Variants in DYM observed in about 807,000 individuals in gnomAD.
DYM encodes the protein dyggve-Melchior-Clausen syndrome protein.
Under a neutral mutation model 93.1 loss-of-function variants are expected in DYM, and 78 were observed. That is an observed-to-expected ratio of 0.84 (90% CI 0.70 to 1.01). The LOEUF is 1.01. Ranked by LOEUF, DYM falls within the 50% of genes least tolerant of loss-of-function variation. The pLI, the probability that DYM is intolerant of heterozygous loss-of-function variation, is 0.00. For missense variants in DYM, 789 were observed against 845.0 expected, an observed-to-expected ratio of 0.93 and a Z score of 0.82; for synonymous variants, 321 against 319.7, an observed-to-expected ratio of 1.00 and a Z score of -0.04.
At chr18:49,436,788 T>C (rs906209963) in intron 1 of DYM, among the ~76,000 whole-genome samples, 4 of 152,184 alleles carry the variant, frequency 2.6e-5, no homozygotes, top group African/African-American at 9.7e-5. Context: ...ATTTTCCTTC[T>C]CTGTGCTTCA....
At chr18:49,337,251 G>A (rs528072842) in intron 6 of DYM, among the ~76,000 whole-genome samples, 3 of 152,290 alleles carry the variant, frequency 2.0e-5, no homozygotes, top group African/African-American at 7.2e-5. Flanking sequence ...GAAGGATCCA[G>A]AATGTTGTTG....
At chr18:49,441,734 C>A (rs970219665) in intron 1 of DYM, among the ~76,000 whole-genome samples, 2 of 151,918 alleles carry the variant, frequency 1.3e-5, no homozygotes, top group Non-Finnish European at 2.9e-5. Flanking sequence ...AAGGGGGACA[C>A]CAACAAGAAG....
At chr18:49,434,852 A>G (rs2148506835) in intron 1 of DYM, among the ~76,000 whole-genome samples, 1 of 152,092 alleles carries the variant, frequency 6.6e-6, no homozygotes, top group South Asian at 2.1e-4. Flanking sequence ...GATTTCAACA[A>G]CAACAACAAA....
At chr18:49,106,060 T>A (rs1390648607) in intron 16 of DYM, among the ~76,000 whole-genome samples, 3 of 152,214 alleles carry the variant, frequency 2.0e-5, no homozygotes, top group Non-Finnish European at 2.9e-5. Flanking sequence ...TTTGTAGGTC[T>A]CTAAGGACTT....
chr18:49,235,389 C>T (rs1307411695), intron 13 of DYM, among the ~76,000 whole-genome samples: 2 of 152,048 alleles, frequency 1.3e-5, no homozygotes, highest in Non-Finnish European at 2.9e-5. Flanking sequence ...CCTTTCAACA[C>T]ATAGCAATAT....
chr18:49,272,834 CATTTCATAAT>C (rs2094743036), intron 10 of DYM, among the ~76,000 whole-genome samples: 1 of 152,094 alleles, frequency 6.6e-6, no homozygotes, highest in Non-Finnish European at 1.5e-5. Flanking sequence ...TCAAACATTT[CATTTCATAAT>C]GCTGTTTACC....
chr18:49,340,012 G>T (rs2063982143), intron 6 of DYM, among the ~76,000 whole-genome samples: 1 of 152,158 alleles, frequency 6.6e-6, no homozygotes, highest in African/African-American at 2.4e-5. Flanking sequence ...GTGCAGTGGC[G>T]CCATCTCGGC....
At chr18:49,114,769 C>CA (rs2081775913) in intron 16 of DYM, among the ~76,000 whole-genome samples, 1 of 151,966 alleles carries the variant, frequency 6.6e-6, no homozygotes, top group Admixed American at 6.6e-5. Flanking sequence ...AACAGTGTAC[C>CA]ACCACGCCTG....
intron 2 of DYM, among the ~76,000 whole-genome samples, chr18:49,401,057 C>A (rs1457554188): frequency 6.6e-6 from 1 of 152,096 alleles, no homozygotes; most frequent in Non-Finnish European, 1.5e-5. Flanking sequence ...AGTAAAAACA[C>A]ACAAAAGGGG....
intron 4 of DYM, among the ~76,000 whole-genome samples, chr18:49,379,265 GT>G (rs1311896195): frequency 1.3e-5 from 2 of 151,978 alleles, no homozygotes; most frequent in Non-Finnish European, 2.9e-5. Flanking sequence ...TGCATAAAAA[GT>G]TAACCTTCCA....
At chr18:49,459,988 T>C (rs2083359146) in intron 1 of DYM, among the ~76,000 whole-genome samples, 1 of 152,048 alleles carries the variant, frequency 6.6e-6, no homozygotes, top group Non-Finnish European at 1.5e-5. Flanking sequence ...GTGAATATAC[T>C]AAAAACCACT....
chr18:49,379,028 A>T lies in DYM; in HGVS notation c.288-328T>A, dbSNP rs542927941. Among the ~76,000 whole-genome samples, 119 of 152,324 alleles carry T rather than the reference A, an allele frequency of 7.8e-4. 1 individual carries two copies. The highest frequency in any genetic ancestry group is 2.6e-3 in the African/African-American group (110 of 41,582). ...AGAGAAGAAAGCTACCAAAAAATTT[A>T]AAAAATTGTGGTAACATAAAAAGAA... On this transcript the variant is annotated intron_variant, in intron 4 of 17. Transcript: ENST00000675505.
chr18:49,121,158 T>A (rs941606223), intron 15 of DYM, among the ~76,000 whole-genome samples: 2 of 152,190 alleles, frequency 1.3e-5, no homozygotes. Flanking sequence ...CAAAATTTGT[T>A]TGAATTGATT....
intron 15 of DYM, among the ~76,000 whole-genome samples, chr18:49,144,124 G>C (rs1429276899): frequency 6.6e-6 from 1 of 152,120 alleles, no homozygotes; most frequent in Non-Finnish European, 1.5e-5. Context: ...GGTGTAATTG[G>C]TCTTCATTAA....
chr18:49,109,913 T>C (rs985270206), intron 16 of DYM, among the ~76,000 whole-genome samples: 1 of 152,224 alleles, frequency 6.6e-6, no homozygotes, highest in Non-Finnish European at 1.5e-5. Context: ...AACTTCCAAT[T>C]CTTCCCTCTC....
Position 49,070,018 on chromosome 18 carries a change from G to A in DYM, c.2026-25814C>T, listed in dbSNP as rs150273029. The stretch of plus-strand genomic sequence containing the variant: ...ATCGCGCCACAGCACTCCCGCCTGG[G>A]CAACAGAGCGAGACTCTGTCTCAAA... On this transcript the variant is annotated intron_variant, in intron 17 of 17. Transcript: ENST00000675505. 6.1e-3 allele frequency among the ~76,000 whole-genome samples: 925 copies of A among 152,298 alleles called. 8 individuals are homozygous for A. The highest frequency in any genetic ancestry group is 0.021 in the African/African-American group (890 of 41,562).
At chr18:49,313,045 T>C (rs1177772555) in intron 8 of DYM, among the ~76,000 whole-genome samples, 1 of 152,146 alleles carries the variant, frequency 6.6e-6, no homozygotes, top group Non-Finnish European at 1.5e-5. Context: ...CCATCTTGAA[T>C]AGGAGCTAGG....
intron 13 of DYM, among the ~76,000 whole-genome samples, chr18:49,224,820 G>C (rs1347630906): frequency 1.3e-5 from 2 of 152,026 alleles, no homozygotes; most frequent in Non-Finnish European, 2.9e-5. Flanking sequence ...AACTAAGACA[G>C]GGTGACTTTG....
chr18:49,386,813 T>C (rs1055397112), intron 3 of DYM, among the ~76,000 whole-genome samples: 1 of 152,216 alleles, frequency 6.6e-6, no homozygotes, highest in African/African-American at 2.4e-5. Flanking sequence ...TGGCATTTTT[T>C]ACAAATTGAA....
Sources: allele counts gnomAD v4.1 joint callset (sites outside exome capture counted in the v4.1 genomes callset), GRCh38; gene constraint gnomAD v4.1.1; transcripts MANE v1.5; gene names NCBI Gene and HGNC (gene_info 2026-07-23, HGNC 2026-07-21).